FSTL5: variants seen among roughly 807,000 people sequenced by gnomAD.
FSTL5 encodes the protein follistatin-related protein 5.
In FSTL5, 62 loss-of-function variants were observed where a neutral mutation model predicts 89.1. The ratio of observed to expected loss-of-function variants is 0.70; its 90% CI spans 0.57 to 0.86. The LOEUF is 0.86. Among genes scored for constraint, FSTL5 ranks in the 40% least tolerant of loss-of-function variants. FSTL5 has a pLI of 0.00. For synonymous variants in FSTL5, 383 were observed against 346.2 expected (o/e 1.11, Z -1.18); for missense variants, 1,057 against 1,001.6 (o/e 1.06, Z -0.75).
At chr4:161,675,390 AAC>A (rs1267050050) in intron 6 of FSTL5, among the ~76,000 whole-genome samples, 1 of 151,590 alleles carries the variant, frequency 6.6e-6, no homozygotes, top group African/African-American at 2.4e-5. Flanking sequence ...GAACACACAT[AAC>A]ACAATATTTA....
intron 7 of FSTL5, among the ~76,000 whole-genome samples, chr4:161,647,861 T>C (rs1736204498): frequency 6.6e-6 from 1 of 152,058 alleles, no homozygotes; most frequent in East Asian, 1.9e-4. Context: ...GCCCCCATCC[T>C]GTGGCTATAA....
chr4:161,464,631 C>A (rs1417645617), intron 13 of FSTL5, among the ~76,000 whole-genome samples: 1 of 152,056 alleles, frequency 6.6e-6, no homozygotes, highest in Non-Finnish European at 1.5e-5. Context: ...TTGTTTAGGT[C>A]AATGAAATAA....
chr4:161,553,182 C>T (rs1732272271), intron 8 of FSTL5, among the ~76,000 whole-genome samples: 1 of 151,314 alleles, frequency 6.6e-6, no homozygotes, highest in South Asian at 2.1e-4. Flanking sequence ...CAGGAAATGC[C>T]TTCAACCTAA....
intron 6 of FSTL5, among the ~76,000 whole-genome samples, chr4:161,683,418 T>C (rs149265697): frequency 2.1e-3 from 316 of 152,222 alleles, no homozygotes; most frequent in African/African-American, 6.9e-3. Context: ...GATTTTGGAG[T>C]TGGCATTATT....
intron 3 of FSTL5, among the ~76,000 whole-genome samples, chr4:162,018,193 A>T (rs1736972064): frequency 6.6e-6 from 1 of 152,116 alleles, no homozygotes; most frequent in Non-Finnish European, 1.5e-5. Context: ...TAGAAAGGGC[A>T]TGTGGTTAGG....
At chr4:161,587,400 C>A in intron 8 of FSTL5, 55 bp downstream of exon 8, 1 of 1,576,538 alleles carries the variant, frequency 6.3e-7, no homozygotes, top group South Asian at 1.1e-5. Flanking sequence ...GGCTTCACTT[C>A]CTAGTAAACT....
rs552097426 is a variant in FSTL5 at position 161,601,773 on chromosome 4, T to C, written c.895-14198A>G. On this transcript the variant is annotated intron_variant, in intron 7 of 15. Transcript: ENST00000306100. ...AGTAACACTAAAGGAATAAGTACAT[T>C]GTAATCATAGTGGCTAACAAAACCA... Among the ~76,000 whole-genome samples the C allele has an allele frequency of 1.6e-4, 24 of 152,160 alleles. No individual in the cohort carries two copies. In the South Asian group the frequency reaches 3.9e-3, roughly 25 times the overall value.
chr4:162,061,721 G>T (rs1334836784), intron 2 of FSTL5, among the ~76,000 whole-genome samples: 1 of 152,068 alleles, frequency 6.6e-6, no homozygotes, highest in African/African-American at 2.4e-5. Context: ...AGGGTCCCAT[G>T]CAAATGCATG....
chr4:162,062,386 G>C (rs559579547), intron 2 of FSTL5, among the ~76,000 whole-genome samples: 1 of 151,892 alleles, frequency 6.6e-6, no homozygotes, highest in Non-Finnish European at 1.5e-5. Context: ...TACTTATTCT[G>C]CTCTTTGCTT....
chr4:161,641,633 A>T (rs1316350103), intron 7 of FSTL5, among the ~76,000 whole-genome samples: 1 of 151,716 alleles, frequency 6.6e-6, no homozygotes, highest in Admixed American at 6.6e-5. Flanking sequence ...CTGGGAATAC[A>T]GGCATACGCC....
intron 15 of FSTL5, among the ~76,000 whole-genome samples, chr4:161,392,201 A>G (rs1454935221): frequency 1.3e-5 from 2 of 150,490 alleles, no homozygotes; most frequent in East Asian, 4.0e-4. Flanking sequence ...TAATTGGGAC[A>G]TATGGCTAAA....
intron 15 of FSTL5, among the ~76,000 whole-genome samples, chr4:161,398,078 T>C (rs1306541537): frequency 1.3e-5 from 2 of 152,072 alleles, no homozygotes; most frequent in Admixed American, 1.3e-4. Context: ...GTTTTAGGTT[T>C]TCTGGATAAC....
rs544658166 is a variant in FSTL5 at position 161,673,728 on chromosome 4, TATGA to T, written c.728-17238_728-17235del. Among the ~76,000 whole-genome samples the T allele has an allele frequency of 2.6e-5, 4 of 152,140 alleles. No individual in the cohort carries two copies. The East Asian group carries it at 5.8e-4, about 22-fold the overall frequency. ...CCTGAGTTTATTATTAATTTTGTGATATGAAGTACATAATTTATTTTACCAGACA... is the reference window on the plus strand; with the variant it reads ...CCTGAGTTTATTATTAATTTTGTGATAGTACATAATTTATTTTACCAGACA... On this transcript the variant is annotated intron_variant, in intron 6 of 15. Transcript: ENST00000306100.
intron 4 of FSTL5, among the ~76,000 whole-genome samples, chr4:161,899,344 A>G (rs757532744): frequency 6.6e-6 from 1 of 152,200 alleles, no homozygotes; most frequent in Non-Finnish European, 1.5e-5. Context: ...AGGATATTAT[A>G]TAGGCCCTAG....
chr4:161,896,838 A>G (rs1733172308), intron 4 of FSTL5, among the ~76,000 whole-genome samples: 1 of 152,194 alleles, frequency 6.6e-6, no homozygotes, highest in South Asian at 2.1e-4. Flanking sequence ...TTTTGAAAGC[A>G]TAGATAAATA....
chr4:161,906,089 C>G (rs1326434497), intron 4 of FSTL5, among the ~76,000 whole-genome samples: 3 of 151,904 alleles, frequency 2.0e-5, no homozygotes, highest in Admixed American at 1.3e-4. Flanking sequence ...AATAACCATA[C>G]TTTCTTTAGT....
At chr4:161,993,595 C>T (rs1736200675) in intron 3 of FSTL5, among the ~76,000 whole-genome samples, 2 of 151,754 alleles carry the variant, frequency 1.3e-5, no homozygotes, top group South Asian at 4.2e-4. Context: ...TTTGGGTGTA[C>T]ATTGAAATCA....
intron 13 of FSTL5, among the ~76,000 whole-genome samples, chr4:161,459,541 A>G (rs1212871283): frequency 6.6e-6 from 1 of 152,152 alleles, no homozygotes. Context: ...TTTATCATAT[A>G]CAATTATGAT....
At chr4:161,698,632 T>C (rs1403292038) in intron 6 of FSTL5, among the ~76,000 whole-genome samples, 4 of 152,064 alleles carry the variant, frequency 2.6e-5, no homozygotes, top group Non-Finnish European at 5.9e-5. Flanking sequence ...AGAGTGAATC[T>C]AAAGAAGAGG....
Sources: allele counts gnomAD v4.1 joint callset (sites outside exome capture counted in the v4.1 genomes callset), GRCh38; gene constraint gnomAD v4.1.1; transcripts MANE v1.5; gene names NCBI Gene and HGNC (gene_info 2026-07-23, HGNC 2026-07-21).